The following SLMAP variants were observed in gnomAD, a reference collection of about 807,000 sequenced individuals.
SLMAP encodes the protein sarcolemmal membrane-associated protein.
A neutral mutation model predicts 128.8 loss-of-function variants in SLMAP; 44 were observed. The ratio of observed to expected loss-of-function variants is 0.34; its 90% CI spans 0.27 to 0.44. The LOEUF (loss-of-function observed/expected upper bound fraction) is 0.44. SLMAP is among the 20% of genes least tolerant of loss of function. The pLI, the probability that SLMAP is intolerant of heterozygous loss-of-function variation, is 1.00. For synonymous variants in SLMAP, 327 were observed against 348.8 expected (o/e 0.94, Z 0.70); for missense variants, 787 against 985.3 (o/e 0.80, Z 2.69).
At chr3:57,868,930 ATATGT>A (rs2095391017) in intron 13 of SLMAP, among the ~76,000 whole-genome samples, 1 of 135,324 alleles carries the variant, frequency 7.4e-6, no homozygotes, top group East Asian at 2.0e-4. Flanking sequence ...ATAATATAAT[ATATGT>A]TATATGTGTG....
intron 2 of SLMAP, 87 bp downstream of exon 2, chr3:57,757,936 T>C: frequency 8.5e-7 from 1 of 1,174,452 alleles, no homozygotes. Context: ...GTATGCAGGA[T>C]CCCAGGGTTT....
In SLMAP at chr3:57,857,847, A is replaced by G. The variant is rs1404770942; in HGVS notation, c.615+19A>G. On this transcript the variant is annotated intron_variant, in intron 7 of 24. Coordinates refer to ENST00000671191, the MANE Select transcript of SLMAP (RefSeq NM_001377540.1). ...TTGGCAGGTATTCCAGTTGTTTTATATTTAAGAAACATTTAAACATAGTTT... is the reference window on the plus strand; with the variant it reads ...TTGGCAGGTATTCCAGTTGTTTTATGTTTAAGAAACATTTAAACATAGTTT... The G allele has an allele frequency of 1.3e-6, 2 of 1,503,802 alleles. No homozygotes were observed. The highest frequency in any genetic ancestry group is 1.7e-5 in the Admixed American group (1 of 58,558). 93.2% of individuals were successfully genotyped at this position (1,503,802 alleles called of 1,614,324 possible). A position where few individuals can be genotyped will look rare whatever the true frequency, so the allele number is the denominator to read the frequency against.
intron 2 of SLMAP, among the ~76,000 whole-genome samples, chr3:57,806,474 G>A (rs1576788030): frequency 6.6e-6 from 1 of 151,752 alleles, no homozygotes; most frequent in East Asian, 1.9e-4. Context: ...GTCTTGCTCT[G>A]TCACCCAGAC....
At chr3:57,788,638 A>G (rs945533795) in intron 2 of SLMAP, among the ~76,000 whole-genome samples, 27 of 152,242 alleles carry the variant, frequency 1.8e-4, no homozygotes, top group African/African-American at 6.0e-4. Context: ...CATCCAGAGA[A>G]GTAGGAGGAT....
rs554295492 is a variant in SLMAP, at chr3:57,876,552, C to G, written c.1300+4854C>G. On this transcript the variant is annotated intron_variant, in intron 14 of 24. Coordinates refer to ENST00000671191, the MANE Select transcript of SLMAP (RefSeq NM_001377540.1). ...CTAAAAAAAGCTTCAGCAATATTTT[C>G]CTCTTCAGGGATTCAGACATGAGCT... Among the ~76,000 whole-genome samples, 5 of 152,286 alleles carry G rather than the reference C, an allele frequency of 3.3e-5. No homozygotes were observed. The South Asian group carries it at 1.0e-3, about 32-fold the overall frequency.
intron 2 of SLMAP, among the ~76,000 whole-genome samples, chr3:57,758,875 T>G (rs140539178): frequency 6.6e-6 from 1 of 152,230 alleles, no homozygotes; most frequent in Non-Finnish European, 1.5e-5. Context: ...CTTTAAGTTA[T>G]GTAAGACTAA....
intron 2 of SLMAP, among the ~76,000 whole-genome samples, chr3:57,785,940 C>G (rs1206666889): frequency 6.6e-6 from 1 of 152,134 alleles, no homozygotes; most frequent in Non-Finnish European, 1.5e-5. Context: ...AAACATTTAT[C>G]AGTCTTCTAC....
chr3:57,821,947 C>G (rs553579101), intron 2 of SLMAP, among the ~76,000 whole-genome samples: 65 of 152,008 alleles, frequency 4.3e-4, no homozygotes, highest in African/African-American at 1.3e-3. Context: ...TCCTCTTTCT[C>G]CTTGCCTTTT....
intron 13 of SLMAP, among the ~76,000 whole-genome samples, chr3:57,869,654 ATATATAAT>A (rs1262851086): frequency 7.4e-6 from 1 of 135,630 alleles, no homozygotes; most frequent in East Asian, 2.4e-4. Flanking sequence ...ATATATATAT[ATATATAAT>A]ATATATAAAC....
intron 15 of SLMAP, among the ~76,000 whole-genome samples, chr3:57,893,265 C>CA (rs1044263305): frequency 6.6e-6 from 1 of 151,126 alleles, no homozygotes; most frequent in Non-Finnish European, 1.5e-5. Context: ...CCTATCTCTT[C>CA]AAAAAAATAA....
At chr3:57,803,799 C>G (rs957284135) in intron 2 of SLMAP, among the ~76,000 whole-genome samples, 1 of 152,170 alleles carries the variant, frequency 6.6e-6, no homozygotes, top group Non-Finnish European at 1.5e-5. Context: ...TCGCCTAAAT[C>G]CTGAATCCAG....
intron 11 of SLMAP, 32 bp from the exon 12 acceptor site, chr3:57,864,775 T>A: frequency 6.4e-7 from 1 of 1,566,052 alleles, no homozygotes; most frequent in Non-Finnish European, 8.6e-7. Flanking sequence ...ATCTGTGAAA[T>A]ATCTTTTTTT....
At chr3:57,893,436 G>GAAAGA (rs2096148402) in intron 15 of SLMAP, among the ~76,000 whole-genome samples, 1 of 128,412 alleles carries the variant, frequency 7.8e-6, no homozygotes, top group African/African-American at 2.8e-5. Context: ...AAATAAAAAA[G>GAAAGA]AAAGAAAAGA....
chr3:57,853,955 T>TATATA (rs1553880925), intron 6 of SLMAP, among the ~76,000 whole-genome samples: 3 of 31,942 alleles, frequency 9.4e-5, no homozygotes, highest in African/African-American at 2.8e-4. Flanking sequence ...AAAAAAAAAA[T>TATATA]TATATATATA....
At chr3:57,906,031 T>C (rs1224776933) in intron 17 of SLMAP, among the ~76,000 whole-genome samples, 1 of 148,318 alleles carries the variant, frequency 6.7e-6, no homozygotes, top group Non-Finnish European at 1.5e-5. Flanking sequence ...ATCATGATGC[T>C]TCTCTTCTAA....
intron 14 of SLMAP, among the ~76,000 whole-genome samples, chr3:57,880,893 TA>T (rs558286915): frequency 6.6e-6 from 1 of 151,770 alleles, no homozygotes; most frequent in Non-Finnish European, 1.5e-5. Context: ...TCAGAATTTT[TA>T]AAAAAAGAGT....
intron 14 of SLMAP, among the ~76,000 whole-genome samples, chr3:57,875,979 T>C (rs1408696788): frequency 6.6e-6 from 1 of 152,248 alleles, no homozygotes. Context: ...TTTTTTGCCA[T>C]TATTTTCATT....
chr3:57,786,972 G>A (rs1335568275), intron 2 of SLMAP, among the ~76,000 whole-genome samples: 1 of 152,080 alleles, frequency 6.6e-6, no homozygotes, highest in African/African-American at 2.4e-5. Flanking sequence ...GCCTGACCTT[G>A]TGATCCGCCC....
chr3:57,922,707 G>A (rs949072231), intron 22 of SLMAP, among the ~76,000 whole-genome samples, 182 bp from the exon 23 acceptor site: 1 of 152,188 alleles, frequency 6.6e-6, no homozygotes, highest in African/African-American at 2.4e-5. Flanking sequence ...GATTACAGGC[G>A]TGAGCCACTG....
Sources: gnomAD v4.1 joint callset for allele counts (sites outside exome capture counted in the v4.1 genomes callset) on GRCh38, gnomAD v4.1.1 for gene constraint, MANE v1.5 for transcripts, NCBI Gene and HGNC (gene_info 2026-07-23, HGNC 2026-07-21) for gene names.